Variants in SYMPK observed in about 807,000 individuals in gnomAD.
SYMPK encodes the protein symplekin scaffold protein, also known as symplekin.
Under a neutral mutation model 136.4 loss-of-function variants are expected in SYMPK, and 49 were observed. The observed-to-expected ratio is 0.36, with a 90% CI of 0.29 to 0.46. The LOEUF (loss-of-function observed/expected upper bound fraction) is 0.46, where lower values mean the gene tolerates loss of function less well. Ranked by LOEUF, SYMPK falls within the 20% of genes least tolerant of loss-of-function variation. The probability of loss-of-function intolerance (pLI) is 1.00; values close to 1 mark genes in which losing one functional copy is unlikely to be tolerated. For missense variants in SYMPK, 1,365 were observed against 1,690.0 expected, an observed-to-expected ratio of 0.81 and a Z score of 3.37; for synonymous variants, 766 against 713.0, an observed-to-expected ratio of 1.07 and a Z score of -1.19.
At chr19:45,829,400 G>A (rs115592857) in intron 13 of SYMPK, among the ~76,000 whole-genome samples, 195 bp from the exon 14 acceptor site, 4,679 of 152,134 alleles carry the variant, frequency 0.031, 233 homozygotes, top group African/African-American at 0.11. Flanking sequence ...TACCAGGGTG[G>A]GGATCGATCA....
At position 45,829,971 on chromosome 19, in the gene SYMPK, A is replaced by C. The variant is rs534986389; in HGVS notation, c.1749+83T>G. The stretch of plus-strand genomic sequence containing the variant: ...TCCGCAGCCAGGGAGGTTTGACGCC[A>C]GGGCCAGACTCTTCGCTGGATGTGA... On this transcript the variant is annotated intron_variant, in intron 13 of 26. Coordinates refer to ENST00000245934, the MANE Select transcript of SYMPK (RefSeq NM_004819.3). 47 of 1,450,154 alleles carry C rather than the reference A, an allele frequency of 3.2e-5. 1 individual carries two copies. In the South Asian group the frequency reaches 6.3e-4, roughly 19 times the overall value. The allele number at this position is 1,450,154 out of a possible 1,614,324, so 89.8% of individuals were successfully genotyped here.
At chr19:45,834,531 A>T (rs1971259621) in intron 11 of SYMPK, among the ~76,000 whole-genome samples, 1 of 152,082 alleles carries the variant, frequency 6.6e-6, no homozygotes, top group African/African-American at 2.4e-5. Context: ...TTATGAGCTA[A>T]ACATAAATGA....
intron 6 of SYMPK, among the ~76,000 whole-genome samples, 160 bp from the exon 7 acceptor site, chr19:45,848,161 C>T (rs554499065): frequency 2.3e-4 from 35 of 152,292 alleles, no homozygotes; most frequent in Non-Finnish European, 4.9e-4. Flanking sequence ...GCCCAGTGCT[C>T]GGTGATGCTG....
In SYMPK at chr19:45,830,210, T is replaced by C. The variant is rs1971136394; in HGVS notation, c.1599-6A>G. 6.2e-7 allele frequency: 1 copy of C among 1,608,838 alleles called. No individual in the cohort carries two copies. The highest frequency in any genetic ancestry group is 1.1e-5 in the South Asian group (1 of 90,090). On this transcript the variant is annotated splice_region_variant and splice_polypyrimidine_tract_variant and intron_variant, in intron 12 of 26. Coordinates refer to ENST00000245934, the MANE Select transcript of SYMPK (RefSeq NM_004819.3). ...GCCCACCAGCGCCTGCCAGCCTGTG[T>C]GGAAGAGCAGTGACAGAGATGCAGT...
chr19:45,852,604 G>C (rs1971723909), intron 3 of SYMPK, 69 bp from the exon 4 acceptor site: 2 of 1,575,396 alleles, frequency 1.3e-6, no homozygotes, highest in Non-Finnish European at 1.7e-6. Context: ...ATGCAGACAG[G>C]AGAGTAGAGG....
intron 6 of SYMPK, 100 bp from the exon 7 acceptor site, chr19:45,848,101 GA>G: frequency 7.2e-7 from 1 of 1,383,474 alleles, no homozygotes; most frequent in South Asian, 1.5e-5. Flanking sequence ...AACCATGAAT[GA>G]TGAATACATT....
At chr19:45,825,677 C>T (rs1045618625) in intron 17 of SYMPK, among the ~76,000 whole-genome samples, 16 of 152,220 alleles carry the variant, frequency 1.1e-4, no homozygotes, top group East Asian at 3.8e-4. Context: ...GGGGTGGCCC[C>T]GGCCCGCTGC....
At chr19:45,854,602 C>G (rs1600532184) in intron 1 of SYMPK, 95 bp from the exon 2 acceptor site, 3 of 983,942 alleles carry the variant, frequency 3.0e-6, no homozygotes, top group East Asian at 2.6e-5. Flanking sequence ...AGGGCCCAAG[C>G]CTCCTTCCCA....
At chr19:45,859,680 G>A (rs1327621677) in intron 1 of SYMPK, among the ~76,000 whole-genome samples, 1 of 151,990 alleles carries the variant, frequency 6.6e-6, no homozygotes, top group African/African-American at 2.4e-5. Flanking sequence ...TGTAAACCCA[G>A]CATTTTGGTA....
chr19:45,856,122 A>G (rs1293258811), intron 1 of SYMPK, among the ~76,000 whole-genome samples: 1 of 151,794 alleles, frequency 6.6e-6, no homozygotes, highest in South Asian at 2.1e-4. Context: ...GGGAGGCCGA[A>G]ACGGGTGGAT....
Position 45,816,005 on chromosome 19 carries a change from G to A in SYMPK, c.3533C>T (p.Ala1178Val), listed in dbSNP as rs780994965. Residue 1178 changes from alanine to valine, a missense_variant, in exon 26 of 27, where the codon GCC (alanine) becomes GTC (valine). By Grantham distance (64) the Ala-to-Val change is moderately conservative. Coordinates refer to ENST00000245934, the MANE Select transcript of SYMPK (RefSeq NM_004819.3). ...CTCAGACGGGGGCGGGCCTGGCCGG[G>A]CCGACGGAGAGGGAGAGGGGGAGGA... ...SSSSPSPSPS[A>V]RPGPPPSEEA... 4 of 1,601,152 alleles carry A rather than the reference G, an allele frequency of 2.5e-6. No individual in the cohort carries two copies. The highest frequency in any genetic ancestry group is 2.6e-6 in the Non-Finnish European group (3 of 1,174,540).
In SYMPK at chr19:45,821,816, CT is replaced by C. The variant is rs374890235; in HGVS notation, c.2792-332del. The stretch of plus-strand genomic sequence containing the variant: ...CTCCTCGTGTGGTCCCCAACACAGA[CT>C]CCACCGCGGCACAGGGGGTCATGGG... On this transcript the variant is annotated intron_variant, in intron 21 of 26. Coordinates refer to ENST00000245934, the MANE Select transcript of SYMPK (RefSeq NM_004819.3). The surrounding 1 kb of genome is among the most constrained non-coding windows in gnomAD (Gnocchi z 4.4). 8.4e-4 allele frequency among the ~76,000 whole-genome samples: 128 copies of C among 152,262 alleles called. No individual in the cohort carries two copies. Among genetic ancestry groups the C allele is most frequent in the African/African-American group, 3.0e-3 (123 of 41,552 alleles).
chr19:45,818,802 C>T (rs1359656840), intron 22 of SYMPK: 1 of 152,352 alleles, frequency 6.6e-6, no homozygotes, highest in Non-Finnish European at 1.5e-5. Context: ...TGAAGGCAGG[C>T]CCTGGGGTCT....
Position 45,821,180 on chromosome 19 carries a change from A to G in SYMPK, c.2893+204T>C, listed in dbSNP as rs1387173013. 1.5e-5 allele frequency: 8 copies of G among 535,052 alleles called. No individual in the cohort carries two copies. The highest frequency in any genetic ancestry group is 2.9e-5 in the Non-Finnish European group (8 of 280,288). The allele number at this position is 535,052 out of a possible 1,614,324, so 33.1% of individuals were successfully genotyped here. ...GTTGTAAAGGGTAAAACCTGGGAGG[A>G]AGGAAGGAGGAGGGAGGGAGGGAGG... On this transcript the variant is annotated intron_variant, in intron 22 of 26. Coordinates refer to ENST00000245934, the MANE Select transcript of SYMPK (RefSeq NM_004819.3). This position sits in a 1 kb window ranked among gnomAD's most constrained non-coding sequence, Gnocchi z 4.4.
intron 9 of SYMPK, among the ~76,000 whole-genome samples, chr19:45,841,308 T>C (rs1203132928): frequency 6.6e-6 from 1 of 151,292 alleles, no homozygotes; most frequent in Non-Finnish European, 1.5e-5. Context: ...TTTTTTTTTT[T>C]TGAGACAGAG....
chr19:45,848,101 G>A, intron 6 of SYMPK, 100 bp from the exon 7 acceptor site: 1 of 1,383,482 alleles, frequency 7.2e-7, no homozygotes, highest in Non-Finnish European at 9.8e-7. Flanking sequence ...AACCATGAAT[G>A]ATGAATACAT....
chr19:45,827,390 G>A, intron 16 of SYMPK, 120 bp downstream of exon 16: 1 of 682,312 alleles, frequency 1.5e-6, no homozygotes, highest in Non-Finnish European at 2.6e-6. Flanking sequence ...ACTGAAAGAA[G>A]GGAATGGGCC....
At chr19:45,815,750 C>T in intron 26 of SYMPK, 53 bp from the exon 27 acceptor site, 1 of 1,597,604 alleles carries the variant, frequency 6.3e-7, no homozygotes, top group South Asian at 1.1e-5. Flanking sequence ...GTCACCTCCA[C>T]GCTCCCCTTC....
intron 11 of SYMPK, among the ~76,000 whole-genome samples, chr19:45,832,997 C>A (rs1267880672): frequency 1.4e-5 from 2 of 146,348 alleles, no homozygotes; most frequent in Middle Eastern, 3.5e-3. Context: ...CCAGCCTGGG[C>A]GACAGAGTAG....
Sources: gnomAD v4.1 joint callset for allele counts (sites outside exome capture counted in the v4.1 genomes callset) on GRCh38, gnomAD v4.1.1 for gene constraint, Gnocchi (gnomAD v3.1) non-coding constraint, MANE v1.5 for transcripts, NCBI Gene and HGNC (gene_info 2026-07-23, HGNC 2026-07-21) for gene names.